Variants in FARS2 observed in about 807,000 individuals in gnomAD.
FARS2 encodes phenylalanine--tRNA ligase, mitochondrial.
A neutral mutation model predicts 46.4 loss-of-function variants in FARS2; 40 were observed. The observed-to-expected ratio is 0.86, with a 90% confidence interval of 0.67 to 1.12. FARS2 has a LOEUF of 1.12. Among genes scored for constraint, FARS2 ranks in the 50% most tolerant of loss-of-function variants. FARS2 has a pLI of 0.00. For synonymous variants in FARS2, 234 were observed against 214.9 expected, an observed-to-expected ratio of 1.09 and a Z score of -0.78; for missense variants, 513 against 567.9, an observed-to-expected ratio of 0.90 and a Z score of 0.98.
chr6:5,646,465 T>C (rs1777079929), intron 6 of FARS2, among the ~76,000 whole-genome samples: 1 of 152,148 alleles, frequency 6.6e-6, no homozygotes, highest in Admixed American at 6.5e-5. Flanking sequence ...CGGTCTGTGG[T>C]CTATGCGTGA....
intron 5 of FARS2, among the ~76,000 whole-genome samples, chr6:5,586,579 G>T (rs988141535): frequency 4.6e-5 from 7 of 152,120 alleles, no homozygotes; most frequent in Admixed American, 1.3e-4. Flanking sequence ...ATGTGCAACT[G>T]AATTTAATGT....
intron 1 of FARS2, among the ~76,000 whole-genome samples, chr6:5,309,032 A>G (rs1768915573): frequency 6.6e-6 from 1 of 152,092 alleles, no homozygotes; most frequent in Non-Finnish European, 1.5e-5. Flanking sequence ...CCCCATCTCC[A>G]AGTACTATCA....
intron 6 of FARS2, among the ~76,000 whole-genome samples, chr6:5,760,121 TAC>T (rs1209358347): frequency 1.3e-5 from 2 of 152,188 alleles, no homozygotes; most frequent in African/African-American, 4.8e-5. Context: ...TGGAAATGTA[TAC>T]AAATTTCTCT....
chr6:5,350,028 T>C (rs1757472346), intron 1 of FARS2, among the ~76,000 whole-genome samples: 1 of 152,136 alleles, frequency 6.6e-6, no homozygotes, highest in Non-Finnish European at 1.5e-5. Flanking sequence ...GATTTCTCCA[T>C]TGTACAGTTA....
At position 5,287,244 on chromosome 6, in the gene FARS2, T is replaced by C. The variant is rs374130268; in HGVS notation, c.-22+25584T>C. Among the ~76,000 whole-genome samples the C allele has an allele frequency of 5.9e-5, 9 of 152,370 alleles. No individual in the cohort carries two copies. In the South Asian group the frequency reaches 1.4e-3, roughly 25 times the overall value. ...TTTGCCTGACTTGGCTTCTCAGCTCTGTTTGTGGGGAACTGGGCTGTAGAC... is the reference window on the plus strand; with the variant it reads ...TTTGCCTGACTTGGCTTCTCAGCTCCGTTTGTGGGGAACTGGGCTGTAGAC... On this transcript the variant is annotated intron_variant, in intron 1 of 6. Transcript: ENST00000274680.
chr6:5,321,923 T>C (rs1214584179), intron 1 of FARS2, among the ~76,000 whole-genome samples: 2 of 152,232 alleles, frequency 1.3e-5, no homozygotes, highest in Non-Finnish European at 2.9e-5. Context: ...ATTTATGGTG[T>C]GGTGGGACAT....
chr6:5,256,994 T>A (rs1320512528), upstream of FARS2, among the ~76,000 whole-genome samples: 1 of 152,158 alleles, frequency 6.6e-6, no homozygotes, highest in African/African-American at 2.4e-5. Context: ...AACATTCTTC[T>A]CTATCTTCCA....
At chr6:5,383,243 TAGTCA>T (rs1483056194) in intron 2 of FARS2, among the ~76,000 whole-genome samples, 2 of 152,226 alleles carry the variant, frequency 1.3e-5, no homozygotes, top group Non-Finnish European at 2.9e-5. Context: ...GTGTACCACT[TAGTCA>T]ATGACCAATA....
intron 5 of FARS2, among the ~76,000 whole-genome samples, chr6:5,545,630 C>T (rs895730936): frequency 5.3e-5 from 8 of 151,982 alleles, no homozygotes; most frequent in African/African-American, 1.9e-4. Flanking sequence ...CCGCAACAGG[C>T]CCCGGTGTGT....
intron 4 of FARS2, 47 bp from the exon 5 acceptor site, chr6:5,545,133 C>A: frequency 1.9e-6 from 3 of 1,589,110 alleles, no homozygotes; most frequent in South Asian, 1.1e-5. Flanking sequence ...TGAACCTATC[C>A]AATCTCGATA....
At chr6:5,532,044 G>A (rs1451861084) in intron 4 of FARS2, among the ~76,000 whole-genome samples, 2 of 152,194 alleles carry the variant, frequency 1.3e-5, no homozygotes, top group Non-Finnish European at 2.9e-5. Flanking sequence ...TAGCGTGAAA[G>A]TCATTTTGGA....
chr6:5,539,408 T>TATATATATATATATATATATA (rs68137910), intron 4 of FARS2, among the ~76,000 whole-genome samples: 5 of 93,944 alleles, frequency 5.3e-5, no homozygotes, highest in African/African-American at 1.6e-4. Flanking sequence ...ATGTATATAT[T>TATATATATATATATATATATA]TTTTTAGTAG....
chr6:5,580,147 G>A (rs11755957), intron 5 of FARS2, among the ~76,000 whole-genome samples: 6,219 of 151,566 alleles, frequency 0.041, 181 homozygotes, highest in Middle Eastern at 0.11. Flanking sequence ...AAAATTAGCC[G>A]GGCGTGGTGG....
Position 5,311,554 on chromosome 6 carries a change from TC to T in FARS2, c.-22+49896del, listed in dbSNP as rs1769081892. On this transcript the variant is annotated intron_variant, in intron 1 of 6. Transcript: ENST00000274680. The surrounding 1 kb of genome is among the most constrained non-coding windows in gnomAD (Gnocchi z 4.1). ...ACACCTGCACGACCCTAATAAATGT[TC>T]CTTAGAAAAAAATTTCCATAAAATG... Among the ~76,000 whole-genome samples the T allele has an allele frequency of 6.7e-6, 1 of 148,776 alleles. No homozygotes were observed.
chr6:5,521,895 G>T (rs1052851266), intron 4 of FARS2, among the ~76,000 whole-genome samples: 3 of 152,128 alleles, frequency 2.0e-5, no homozygotes, highest in Non-Finnish European at 2.9e-5. Context: ...CTCCTCTAGA[G>T]CTTAAGTGAA....
rs116321440 is a variant in FARS2 at position 5,721,699 on chromosome 6, C to T, written c.1218-49592C>T. Reference sequence around the variant, plus strand: ...TTAAGTATTGGGAAATATGGAGACACATTTTCCAACGTTGACAATTTTCCA... The same window carrying T: ...TTAAGTATTGGGAAATATGGAGACATATTTTCCAACGTTGACAATTTTCCA... On this transcript the variant is annotated intron_variant, in intron 6 of 6. Coordinates refer to ENST00000274680, the MANE Select transcript of FARS2 (RefSeq NM_006567.5). Among the ~76,000 whole-genome samples the T allele has an allele frequency of 1.7e-4, 26 of 152,322 alleles. 1 individual carries two copies. The highest frequency in any genetic ancestry group is 6.3e-4 in the African/African-American group (26 of 41,560).
At chr6:5,595,361 T>C (rs189741853) in intron 5 of FARS2, among the ~76,000 whole-genome samples, 1 of 152,306 alleles carries the variant, frequency 6.6e-6, no homozygotes, top group African/African-American at 2.4e-5. Context: ...CCGCCAATCA[T>C]GTGCTCTTTC....
chr6:5,662,698 A>G (rs17141115), intron 6 of FARS2, among the ~76,000 whole-genome samples: 7,191 of 152,308 alleles, frequency 0.047, 373 homozygotes, highest in African/African-American at 0.13. Context: ...TCAAGTGTTA[A>G]GCCCTTCATC....
chr6:5,667,627 C>T (rs1394272583), intron 6 of FARS2, among the ~76,000 whole-genome samples: 1 of 152,050 alleles, frequency 6.6e-6, no homozygotes, highest in African/African-American at 2.4e-5. Context: ...AAGATAACCC[C>T]TTAAGAAAAT....
Sources: gnomAD v4.1 joint callset for allele counts (sites outside exome capture counted in the v4.1 genomes callset) on GRCh38, gnomAD v4.1.1 for gene constraint, Gnocchi (gnomAD v3.1) non-coding constraint, MANE v1.5 for transcripts, NCBI Gene and HGNC (gene_info 2026-07-23, HGNC 2026-07-21) for gene names.